Variants in DAAM2 observed in about 807,000 individuals in gnomAD.
The protein encoded by DAAM2 is disheveled-associated activator of morphogenesis 2.
DAAM2 carries 39 observed loss-of-function variants against 120.7 expected under a neutral mutation model. The observed-to-expected ratio is 0.32, with a 90% CI of 0.25 to 0.42. DAAM2 has a LOEUF of 0.42. Among genes scored for constraint, DAAM2 ranks in the 10% least tolerant of loss-of-function variants. The pLI is 1.00. For missense variants in DAAM2, 1,283 were observed against 1,401.7 expected (o/e 0.92, Z 1.35); for synonymous variants, 488 against 524.9 (o/e 0.93, Z 0.96).
chr6:39,876,869 C>G (rs1764894409), intron 11 of DAAM2, among the ~76,000 whole-genome samples: 1 of 152,186 alleles, frequency 6.6e-6, no homozygotes, highest in South Asian at 2.1e-4. Context: ...AAGAGGCAGC[C>G]TGGGGACAGG....
intron 1 of DAAM2, among the ~76,000 whole-genome samples, chr6:39,824,992 G>C (rs1762616578): frequency 6.6e-6 from 1 of 152,144 alleles, no homozygotes; most frequent in Non-Finnish European, 1.5e-5. Flanking sequence ...AGGTGACCTG[G>C]GGTGGCTTCA....
At chr6:39,891,802 G>T in intron 19 of DAAM2, 80 bp downstream of exon 19, 9 of 1,103,486 alleles carry the variant, frequency 8.2e-6, no homozygotes, top group Non-Finnish European at 1.2e-5. Context: ...GTGAATAGGG[G>T]CAGAGGGAAA....
Position 39,902,010 on chromosome 6 carries a change from G to A in DAAM2, c.3180G>A (p.Glu1060=), listed in dbSNP as rs1339228230. ...GCCAGGCCCTGGAAGTTACCCGGGA[G>A]CGGGCAATAAACCGGCTAAATTATT... ...SGSQALEVTR[E]RAINRLNY Residue 1060 remains glutamate (E), a synonymous_variant, in exon 25 of 25, where the codon GAG becomes GAA. Transcript: ENST00000274867. 6.2e-7 allele frequency: 1 copy of A among 1,610,370 alleles called. No homozygotes were observed. Among genetic ancestry groups the A allele is most frequent in the Non-Finnish European group, 8.5e-7 (1 of 1,177,448 alleles).
Position 39,878,306 on chromosome 6 carries a change from C to A in DAAM2, c.1360+45C>A. 6.2e-7 allele frequency: 1 copy of A among 1,612,490 alleles called. No individual in the cohort carries two copies. Among genetic ancestry groups the A allele is most frequent in the Non-Finnish European group, 8.5e-7 (1 of 1,178,872 alleles). On this transcript the variant is annotated intron_variant, in intron 12 of 24. Coordinates refer to ENST00000274867, the MANE Select transcript of DAAM2 (RefSeq NM_001201427.2). The surrounding 1 kb of genome is among the most constrained non-coding windows in gnomAD (Gnocchi z 5.0). ...CCTGCTGTCCACTCCACATGCCCTT[C>A]CCCTGCCCAGCCCATAACTCCATGC...
rs1291616451 is a variant in DAAM2, at chr6:39,856,962, A to AC, written c.168+492_168+493insC. On this transcript the variant is annotated intron_variant, in intron 2 of 24. Transcript: ENST00000274867. Reference sequence around the variant, plus strand: ...ACCTGGAGGTGGAAATGCCTATGTCATGCCTGGGGTCCCAGTTCAGGCCTG... The same window carrying AC: ...ACCTGGAGGTGGAAATGCCTATGTCACTGCCTGGGGTCCCAGTTCAGGCCTG... Among the ~76,000 whole-genome samples, 3 of 152,162 alleles carry AC rather than the reference A, an allele frequency of 2.0e-5. No homozygotes were observed. The East Asian group carries it at 5.8e-4, about 29-fold the overall frequency.
intron 1 of DAAM2, among the ~76,000 whole-genome samples, chr6:39,827,466 T>TTG (rs1160919733): frequency 6.6e-6 from 1 of 152,036 alleles, no homozygotes; most frequent in African/African-American, 2.4e-5. Context: ...GGGGTAGTCT[T>TTG]TTTCAGAGTC....
chr6:39,869,780 TA>T lies in DAAM2; in HGVS notation c.874-555del, dbSNP rs35807167. ...TTTTTTTTTTTTTTTTTTTTTTTTT[TA>T]AAAACAATTTATCTTTATGCCCTGG... On this transcript the variant is annotated intron_variant, in intron 7 of 24. Coordinates refer to ENST00000274867, the MANE Select transcript of DAAM2 (RefSeq NM_001201427.2). 3.1e-4 allele frequency among the ~76,000 whole-genome samples: 31 copies of T among 99,162 alleles called. 1 individual carries two copies. Among genetic ancestry groups the T allele is most frequent in the African/African-American group, 1.1e-3 (28 of 24,644 alleles). The allele number at this position is 99,162 out of a possible 152,430, so 65.1% of individuals were successfully genotyped here.
intron 3 of DAAM2, among the ~76,000 whole-genome samples, chr6:39,863,983 T>G (rs1338304779): frequency 6.6e-6 from 1 of 152,190 alleles, no homozygotes; most frequent in Admixed American, 6.5e-5. Flanking sequence ...CCTGAAAGAC[T>G]TAAGTTTTTA....
At chr6:39,813,151 TGTGTGTGTGTGTGTGC>T (rs1400880158) in intron 1 of DAAM2, among the ~76,000 whole-genome samples, 1 of 151,744 alleles carries the variant, frequency 6.6e-6, no homozygotes, top group Non-Finnish European at 1.5e-5. Context: ...GCAGATTGTG[TGTGTGTGTGTGTGTGC>T]GTGTGTGTGT....
At chr6:39,869,281 T>C (rs763711964) in intron 7 of DAAM2, among the ~76,000 whole-genome samples, 2 of 152,176 alleles carry the variant, frequency 1.3e-5, no homozygotes, top group South Asian at 2.1e-4. Flanking sequence ...AATGGGATTC[T>C]TGAAGTATAA....
intron 1 of DAAM2, among the ~76,000 whole-genome samples, chr6:39,800,585 G>A (rs1054486728): frequency 4.6e-5 from 7 of 152,184 alleles, no homozygotes; most frequent in Non-Finnish European, 2.9e-5. Context: ...TTTGAGGACT[G>A]AGTCCCCAGC....
chr6:39,879,696 A>G, intron 14 of DAAM2: 1 of 627,670 alleles, frequency 1.6e-6, no homozygotes. Context: ...GGCAATGCTG[A>G]CGTTGACAAA....
intron 6 of DAAM2, 129 bp downstream of exon 6, chr6:39,867,972 C>T (rs1007053290): frequency 2.0e-5 from 16 of 818,048 alleles, no homozygotes; most frequent in Non-Finnish European, 3.0e-5. Flanking sequence ...TGCATGCCTG[C>T]TCCTGGAAGG....
chr6:39,887,199 T>C, intron 15 of DAAM2: 1 of 324,786 alleles, frequency 3.1e-6, no homozygotes, highest in South Asian at 3.3e-5. Flanking sequence ...CTTCCCTCAT[T>C]GCCCAGAGTG....
At chr6:39,895,886 C>T (rs1022644202) in intron 19 of DAAM2, among the ~76,000 whole-genome samples, 1 of 152,054 alleles carries the variant, frequency 6.6e-6, no homozygotes, top group Non-Finnish European at 1.5e-5. Context: ...GTTAAGATGC[C>T]CAAAGGTTGG....
intron 1 of DAAM2, among the ~76,000 whole-genome samples, chr6:39,824,981 G>T (rs571277904): frequency 1.3e-5 from 2 of 152,200 alleles, no homozygotes; most frequent in Non-Finnish European, 2.9e-5. Flanking sequence ...AGAATGATGA[G>T]AGGTGACCTG....
chr6:39,891,539 G>C, intron 18 of DAAM2, 92 bp downstream of exon 18: 1 of 1,510,600 alleles, frequency 6.6e-7, no homozygotes, highest in Non-Finnish European at 9.0e-7. Flanking sequence ...GATGGAGGTG[G>C]GCAGGCTTGA....
intron 1 of DAAM2, among the ~76,000 whole-genome samples, chr6:39,855,297 C>CA (rs1321934323): frequency 6.6e-6 from 1 of 152,132 alleles, no homozygotes; most frequent in African/African-American, 2.4e-5. Context: ...GCACCAATGA[C>CA]AGGGGTAGCG....
chr6:39,862,461 G>A (rs905392019), intron 3 of DAAM2: 1 of 152,090 alleles, frequency 6.6e-6, no homozygotes, highest in Non-Finnish European at 1.5e-5. Context: ...TTACTATGGA[G>A]TTCCCTTAAG....
Sources: allele counts gnomAD v4.1 joint callset (sites outside exome capture counted in the v4.1 genomes callset), GRCh38; gene constraint gnomAD v4.1.1; non-coding constraint Gnocchi (gnomAD v3.1); transcripts MANE v1.5; gene names NCBI Gene and HGNC (gene_info 2026-07-23, HGNC 2026-07-21).